CDK17: variants seen among roughly 807,000 people sequenced by gnomAD.
CDK17 encodes cyclin dependent kinase 17.
In CDK17, 24 loss-of-function variants were observed where a neutral mutation model predicts 77.6. The observed-to-expected ratio is 0.31, with a 90% CI of 0.22 to 0.44. CDK17 has a LOEUF of 0.44. Among genes scored for constraint, CDK17 ranks in the 20% least tolerant of loss-of-function variants. The probability of loss-of-function intolerance (pLI) is 1.00; values close to 1 mark genes in which losing one functional copy is unlikely to be tolerated. For missense variants in CDK17, 429 were observed against 622.5 expected (o/e 0.69, Z 3.31); for synonymous variants, 203 against 210.4 (o/e 0.96, Z 0.30).
At chr12:96,374,170 T>G (rs374055062) in intron 1 of CDK17, among the ~76,000 whole-genome samples, 1 of 152,220 alleles carries the variant, frequency 6.6e-6, no homozygotes, top group Non-Finnish European at 1.5e-5. Flanking sequence ...GTAACTTTCA[T>G]GGAGCAACAC....
chr12:96,283,363 T>C (rs1446967221), intron 14 of CDK17, among the ~76,000 whole-genome samples: 1 of 151,744 alleles, frequency 6.6e-6, no homozygotes, highest in African/African-American at 2.4e-5. Flanking sequence ...GAATGTGGCC[T>C]TGACACAGCT....
intron 1 of CDK17, among the ~76,000 whole-genome samples, chr12:96,397,876 G>T (rs181814576): frequency 6.6e-6 from 1 of 152,142 alleles, no homozygotes; most frequent in Admixed American, 6.5e-5. Context: ...GTGGAGTAGG[G>T]TAAGGAGTCC....
At chr12:96,319,141 C>T (rs1164318309) in intron 3 of CDK17, among the ~76,000 whole-genome samples, 5 of 149,890 alleles carry the variant, frequency 3.3e-5, no homozygotes, top group African/African-American at 1.2e-4. Context: ...CACAGAAATA[C>T]AAACTACCAT....
intron 1 of CDK17, among the ~76,000 whole-genome samples, chr12:96,374,751 A>G (rs1360558127): frequency 6.6e-6 from 1 of 152,238 alleles, no homozygotes; most frequent in East Asian, 1.9e-4. Flanking sequence ...AATACCAGTC[A>G]AGCAGTAAGC....
At chr12:96,301,241 C>CAA (rs376295045) in intron 5 of CDK17, among the ~76,000 whole-genome samples, 9,073 of 85,172 alleles carry the variant, frequency 0.11, 466 homozygotes, top group South Asian at 0.14. Flanking sequence ...AACACTCGGC[C>CAA]AAAAAAAAAA....
chr12:96,319,604 A>G (rs1592725859), intron 3 of CDK17, among the ~76,000 whole-genome samples: 1 of 142,624 alleles, frequency 7.0e-6, no homozygotes, highest in South Asian at 2.3e-4. Context: ...ATCCACCATG[A>G]TCAAGTGGGC....
At chr12:96,349,152 A>G (rs906142951) in intron 1 of CDK17, among the ~76,000 whole-genome samples, 4 of 152,204 alleles carry the variant, frequency 2.6e-5, no homozygotes, top group African/African-American at 9.7e-5. Flanking sequence ...GTGGTTCAAC[A>G]TAAGAAAATC....
At chr12:96,332,111 T>C (rs1203520354) in intron 2 of CDK17, among the ~76,000 whole-genome samples, 1 of 152,202 alleles carries the variant, frequency 6.6e-6, no homozygotes, top group Non-Finnish European at 1.5e-5. Context: ...AACAACATTG[T>C]GTTACAACTA....
intron 1 of CDK17, among the ~76,000 whole-genome samples, chr12:96,392,330 T>C (rs1030488870): frequency 1.3e-5 from 2 of 152,032 alleles, no homozygotes; most frequent in African/African-American, 2.4e-5. Context: ...TAGTACAGAG[T>C]AGGCAGGTAC....
intron 13 of CDK17, chr12:96,284,592 C>T (rs113273796): frequency 0.15 from 20,555 of 138,934 alleles, 1,580 homozygotes; most frequent in South Asian, 0.3. Flanking sequence ...GATGGTGTTT[C>T]GCTCTTGTTG....
intron 2 of CDK17, among the ~76,000 whole-genome samples, chr12:96,328,961 A>T (rs1952930898): frequency 1.3e-5 from 2 of 152,232 alleles, no homozygotes; most frequent in Non-Finnish European, 2.9e-5. Flanking sequence ...TTAGCTGGCC[A>T]ATTCAATAAG....
At chr12:96,363,655 A>G (rs1447018687) in intron 1 of CDK17, among the ~76,000 whole-genome samples, 5 of 151,946 alleles carry the variant, frequency 3.3e-5, no homozygotes, top group Admixed American at 6.6e-5. Flanking sequence ...AGACCATCCT[A>G]GCTAACACAG....
intron 3 of CDK17, among the ~76,000 whole-genome samples, chr12:96,322,160 C>G (rs1436925205): frequency 6.6e-6 from 1 of 152,078 alleles, no homozygotes; most frequent in Middle Eastern, 3.2e-3. Context: ...TCAAGACAAA[C>G]GTGAAACAAT....
intron 1 of CDK17, among the ~76,000 whole-genome samples, chr12:96,339,594 T>C (rs1203111085): frequency 6.6e-6 from 1 of 152,068 alleles, no homozygotes; most frequent in African/African-American, 2.4e-5. Context: ...CAATAACATT[T>C]ATTATCCCTC....
chr12:96,283,495 TTTTA>T, intron 14 of CDK17, 104 bp downstream of exon 14: 3 of 726,174 alleles, frequency 4.1e-6, no homozygotes, highest in South Asian at 3.2e-5. Flanking sequence ...GCATAGATAA[TTTTA>T]TTTGTCATTA....
intron 1 of CDK17, among the ~76,000 whole-genome samples, chr12:96,364,684 G>T (rs1300667213): frequency 6.6e-6 from 1 of 152,010 alleles, no homozygotes. Flanking sequence ...CAAGAAATAC[G>T]GCACATACTA....
At chr12:96,377,893 C>T (rs1345996790) in intron 1 of CDK17, among the ~76,000 whole-genome samples, 2 of 152,086 alleles carry the variant, frequency 1.3e-5, no homozygotes, top group African/African-American at 4.8e-5. Context: ...CAGGGTTTCA[C>T]CGTGTTAGCC....
At chr12:96,372,001 GAGTGTGTGTT>G (rs1005395687) in intron 1 of CDK17, among the ~76,000 whole-genome samples, 2 of 42,930 alleles carry the variant, frequency 4.7e-5, no homozygotes, top group Admixed American at 2.6e-4. Context: ...GTGTGTGAGT[GAGTGTGTGTT>G]TGTGTGTGTG....
intron 8 of CDK17, 108 bp from the exon 9 acceptor site, chr12:96,297,440 G>A (rs1952424142): frequency 1.3e-6 from 1 of 772,136 alleles, no homozygotes; most frequent in Non-Finnish European, 2.2e-6. Context: ...AAAAGATACT[G>A]GATGCACCAT....
Sources: allele counts gnomAD v4.1 joint callset (sites outside exome capture counted in the v4.1 genomes callset), GRCh38; gene constraint gnomAD v4.1.1; transcripts MANE v1.5; gene names NCBI Gene and HGNC (gene_info 2026-07-23, HGNC 2026-07-21).